AGPS: variants seen among roughly 807,000 people sequenced by gnomAD.
The protein encoded by AGPS is alkylglycerone phosphate synthase.
In AGPS, 26 loss-of-function variants were observed where a neutral mutation model predicts 90.7. The ratio of observed to expected loss-of-function variants is 0.29; its 90% CI spans 0.21 to 0.40. The LOEUF (loss-of-function observed/expected upper bound fraction) is 0.40. Among genes scored for constraint, AGPS ranks in the 10% least tolerant of loss-of-function variants. AGPS has a pLI of 1.00. For missense variants in AGPS, 540 were observed against 816.1 expected (o/e 0.66, Z 4.12); for synonymous variants, 294 against 285.3 (o/e 1.03, Z -0.31).
chr2:177,394,909 A>T (rs1685126912), intron 1 of AGPS, among the ~76,000 whole-genome samples: 1 of 152,158 alleles, frequency 6.6e-6, no homozygotes, highest in Admixed American at 6.5e-5. Context: ...TTCCAGGGAG[A>T]AATGCTGGGA....
chr2:177,473,911 TA>T (rs1460722065), intron 10 of AGPS, among the ~76,000 whole-genome samples: 1 of 152,250 alleles, frequency 6.6e-6, no homozygotes, highest in Non-Finnish European at 1.5e-5. Context: ...TACTAATTTT[TA>T]AAAGTCTCAT....
chr2:177,508,085 G>T, intron 16 of AGPS, 54 bp downstream of exon 16: 1 of 1,324,322 alleles, frequency 7.6e-7, no homozygotes, highest in South Asian at 1.2e-5. Context: ...TGAATTGCTT[G>T]AAGTAATGTT....
chr2:177,517,854 C>T (rs1419197692), intron 17 of AGPS, among the ~76,000 whole-genome samples: 1 of 152,132 alleles, frequency 6.6e-6, no homozygotes, highest in Non-Finnish European at 1.5e-5. Flanking sequence ...ATATCTTTAT[C>T]TTTCATAACC....
chr2:177,405,336 A>C (rs756811333), intron 1 of AGPS, among the ~76,000 whole-genome samples: 2 of 152,246 alleles, frequency 1.3e-5, no homozygotes, highest in Non-Finnish European at 2.9e-5. Flanking sequence ...AGGCAGCTAA[A>C]TGAGCTGAAC....
At chr2:177,477,721 G>C (rs1258903664) in intron 10 of AGPS, among the ~76,000 whole-genome samples, 1 of 151,928 alleles carries the variant, frequency 6.6e-6, no homozygotes, top group South Asian at 2.1e-4. Context: ...CTCTTCATTT[G>C]TTCCTGTGGG....
rs117611032 is a variant in AGPS at position 177,478,481 on chromosome 2, C to T, written c.1106-3578C>T. 4.6e-3 allele frequency among the ~76,000 whole-genome samples: 697 copies of T among 152,202 alleles called. 6 individuals carry two copies. The highest frequency in any genetic ancestry group is 0.033 in the East Asian group (169 of 5,180). ...TTTTTCTTCCAGTACTCCCATTACA[C>T]GTAAATTGGTGTGCTTAATGGTTTC... is the stretch of plus-strand genomic sequence containing the variant. On this transcript the variant is annotated intron_variant, in intron 10 of 19. Coordinates refer to ENST00000264167, the MANE Select transcript of AGPS (RefSeq NM_003659.4).
intron 10 of AGPS, among the ~76,000 whole-genome samples, chr2:177,472,992 G>A (rs990610661): frequency 1.3e-5 from 2 of 152,090 alleles, no homozygotes; most frequent in African/African-American, 4.8e-5. Flanking sequence ...TTTGTTTTCT[G>A]GGAGTAATTT....
At chr2:177,452,799 A>C (rs1334896724) in intron 8 of AGPS, among the ~76,000 whole-genome samples, 1 of 150,370 alleles carries the variant, frequency 6.7e-6, no homozygotes, top group African/African-American at 2.4e-5. Flanking sequence ...GATATGCTTT[A>C]TCTCTTTAGT....
At chr2:177,443,076 TTCTAGTAG>T (rs1426874432) in intron 7 of AGPS, among the ~76,000 whole-genome samples, 1 of 152,166 alleles carries the variant, frequency 6.6e-6, no homozygotes, top group Non-Finnish European at 1.5e-5. Flanking sequence ...TTTCTTTTTT[TTCTAGTAG>T]TTTTAGAGCA....
intron 1 of AGPS, among the ~76,000 whole-genome samples, chr2:177,416,341 G>A (rs915680410): frequency 1.3e-5 from 2 of 152,100 alleles, no homozygotes; most frequent in Non-Finnish European, 2.9e-5. Context: ...CATATCATGG[G>A]AGAATACTGC....
At chr2:177,465,679 A>G (rs1687424733) in intron 9 of AGPS, among the ~76,000 whole-genome samples, 1 of 152,236 alleles carries the variant, frequency 6.6e-6, no homozygotes, top group Non-Finnish European at 1.5e-5. Context: ...TACTGCAAGC[A>G]GCTTCCATTG....
intron 1 of AGPS, among the ~76,000 whole-genome samples, chr2:177,395,694 T>C (rs1685152709): frequency 6.6e-6 from 1 of 152,244 alleles, no homozygotes; most frequent in Non-Finnish European, 1.5e-5. Context: ...TATGCCTATA[T>C]GTCAATTATT....
At position 177,538,434 on chromosome 2, in the gene AGPS, A is replaced by G; in HGVS notation, c.*239A>G. The G allele has an allele frequency of 2.0e-6, 1 of 510,722 alleles. No homozygotes were observed. Among genetic ancestry groups the G allele is most frequent in the South Asian group, 2.2e-5 (1 of 45,794 alleles). 31.6% of individuals were successfully genotyped at this position (510,722 alleles called of 1,614,324 possible). A position where few individuals can be genotyped will look rare whatever the true frequency, so the allele number is the denominator to read the frequency against. ...TTTACATTCAGCGGTTGTCATTTCA[A>G]ATTTTAGTCAGGCAGCACAAAGCTG... is the stretch of plus-strand genomic sequence containing the variant. On this transcript the variant is annotated 3_prime_UTR_variant, in exon 20 of 20. Transcript: ENST00000264167.
chr2:177,513,765 C>T, intron 16 of AGPS, 54 bp from the exon 17 acceptor site: 2 of 1,310,530 alleles, frequency 1.5e-6, no homozygotes, highest in Non-Finnish European at 2.2e-6. Context: ...TTTATTAGCA[C>T]TTGTGTAGTT....
chr2:177,446,595 T>G (rs1456159977), intron 8 of AGPS, among the ~76,000 whole-genome samples: 1 of 152,192 alleles, frequency 6.6e-6, no homozygotes, highest in Non-Finnish European at 1.5e-5. Context: ...GTTCAGATCA[T>G]AAAGGGCCTT....
intron 10 of AGPS, among the ~76,000 whole-genome samples, chr2:177,476,272 A>G (rs577804442): frequency 6.6e-6 from 1 of 151,884 alleles, no homozygotes; most frequent in Admixed American, 6.6e-5. Flanking sequence ...AGGTTAGGCT[A>G]TTTGAGATTT....
chr2:177,518,561 A>ATC (rs1200059646), intron 17 of AGPS, among the ~76,000 whole-genome samples: 2 of 152,152 alleles, frequency 1.3e-5, no homozygotes, highest in Non-Finnish European at 2.9e-5. Context: ...CAGCAGTTAT[A>ATC]ATTGTGATAC....
intron 10 of AGPS, among the ~76,000 whole-genome samples, chr2:177,476,579 C>G (rs975109367): frequency 6.6e-6 from 1 of 152,012 alleles, no homozygotes; most frequent in African/African-American, 2.4e-5. Context: ...TTTATGACCT[C>G]GCTAGCATGT....
intron 13 of AGPS, among the ~76,000 whole-genome samples, chr2:177,499,181 A>G (rs952363203): frequency 4.0e-5 from 6 of 151,782 alleles, no homozygotes; most frequent in African/African-American, 1.2e-4. Context: ...TTTATGCATA[A>G]GATCGCCTTT....
Sources: gnomAD v4.1 joint callset for allele counts (sites outside exome capture counted in the v4.1 genomes callset) on GRCh38, gnomAD v4.1.1 for gene constraint, MANE v1.5 for transcripts, NCBI Gene and HGNC (gene_info 2026-07-23, HGNC 2026-07-21) for gene names.